The following TENM2 variants were observed in gnomAD, a reference collection of about 807,000 sequenced individuals.
TENM2 encodes teneurin transmembrane protein 2, also known as teneurin-2.
TENM2 carries 52 observed loss-of-function variants against 245.2 expected under a neutral mutation model. That is an observed-to-expected ratio of 0.21 (90% confidence interval 0.17 to 0.27). The LOEUF (loss-of-function observed/expected upper bound fraction) is 0.27. Among genes scored for constraint, TENM2 ranks in the 10% least tolerant of loss-of-function variants. The pLI is 1.00. For synonymous variants in TENM2, 1,363 were observed against 1,438.9 expected (o/e 0.95, Z 1.19); for missense variants, 3,046 against 3,666.8 (o/e 0.83, Z 4.37).
chr5:168,066,122 T>G (rs553757103), intron 7 of TENM2, among the ~76,000 whole-genome samples: 1 of 152,330 alleles, frequency 6.6e-6, no homozygotes. Flanking sequence ...CTGCTTCGCA[T>G]GTCCCTCTTA....
intron 2 of TENM2, among the ~76,000 whole-genome samples, chr5:167,530,122 A>C (rs2127591977): frequency 6.6e-6 from 1 of 152,004 alleles, no homozygotes; most frequent in South Asian, 2.1e-4. Context: ...ACATGGAGAA[A>C]GTGAGAGTGT....
At chr5:167,517,097 G>A (rs1274996369) in intron 2 of TENM2, among the ~76,000 whole-genome samples, 1 of 152,134 alleles carries the variant, frequency 6.6e-6, no homozygotes, top group South Asian at 2.1e-4. Flanking sequence ...ACTAGGAAAG[G>A]CTATAGAGGG....
chr5:167,710,728 G>A (rs1758855194), intron 2 of TENM2, among the ~76,000 whole-genome samples: 1 of 152,142 alleles, frequency 6.6e-6, no homozygotes, highest in Admixed American at 6.5e-5. Context: ...TTAACCTGAG[G>A]GCATTGGGAA....
chr5:168,219,950 A>G (rs998399538), intron 23 of TENM2, among the ~76,000 whole-genome samples: 4 of 151,974 alleles, frequency 2.6e-5, no homozygotes, highest in Admixed American at 2.0e-4. Context: ...GGGAGAATGT[A>G]AAAGGAAGCT....
chr5:168,236,166 C>T (rs751086996), intron 25 of TENM2, among the ~76,000 whole-genome samples: 7 of 152,286 alleles, frequency 4.6e-5, no homozygotes, highest in African/African-American at 1.7e-4. Flanking sequence ...ATTATCCACC[C>T]GGTACATGCA....
At chr5:167,756,974 T>A (rs1762349851) in intron 2 of TENM2, among the ~76,000 whole-genome samples, 2 of 152,138 alleles carry the variant, frequency 1.3e-5, no homozygotes, top group African/African-American at 4.8e-5. Context: ...ATGTGAGACA[T>A]CTCTTTTTGG....
intron 2 of TENM2, among the ~76,000 whole-genome samples, chr5:167,859,788 G>A (rs1771541028): frequency 2.4e-5 from 2 of 81,970 alleles, no homozygotes; most frequent in African/African-American, 5.7e-5. Context: ...AGGTGGGGGG[G>A]TCAGCCCTCC....
chr5:167,449,186 T>C (rs914829791), intron 2 of TENM2, among the ~76,000 whole-genome samples: 6 of 152,210 alleles, frequency 3.9e-5, no homozygotes, highest in Admixed American at 1.3e-4. Context: ...TTTCCTGCGG[T>C]ACTTAGCACT....
In TENM2 at chr5:167,701,147, A is replaced by G. The variant is rs537141323; in HGVS notation, c.503-174839A>G. Among the ~76,000 whole-genome samples, 24 of 152,286 alleles carry G rather than the reference A, an allele frequency of 1.6e-4. No homozygotes were observed. The East Asian group carries it at 4.4e-3, about 28-fold the overall frequency. On this transcript the variant is annotated intron_variant, in intron 2 of 28. Transcript: ENST00000518659. The stretch of plus-strand genomic sequence containing the variant: ...AACAGCTGCTAGAAAAATGTACACA[A>G]GAAATGTGTGAGGTCTATGGAAAAT...
At chr5:167,016,724 T>C in the TENM2 span, among the ~76,000 whole-genome samples, 1 of 152,334 alleles carries the variant, frequency 6.6e-6, no homozygotes, top group Admixed American at 6.5e-5. Flanking sequence ...GTTTGCTTTT[T>C]TTTGTCATTC....
chr5:167,712,240 A>T (rs1175975797), intron 2 of TENM2, among the ~76,000 whole-genome samples: 1 of 152,222 alleles, frequency 6.6e-6, no homozygotes, highest in African/African-American at 2.4e-5. Flanking sequence ...AGTCATGAAT[A>T]TCTCTACAAA....
chr5:167,893,655 G>A (rs1435758840), intron 3 of TENM2, among the ~76,000 whole-genome samples: 2 of 150,806 alleles, frequency 1.3e-5, no homozygotes, highest in Admixed American at 6.6e-5. Flanking sequence ...TTAGTAAGAG[G>A]CATTTCAAGA....
chr5:168,255,635 A>C (rs1171286751), intron 27 of TENM2, among the ~76,000 whole-genome samples: 2 of 152,012 alleles, frequency 1.3e-5, no homozygotes, highest in Non-Finnish European at 2.9e-5. Flanking sequence ...CCTTTTCAAC[A>C]GAGAGAGCAG....
intron 2 of TENM2, among the ~76,000 whole-genome samples, chr5:167,604,107 G>A (rs922690428): frequency 2.6e-5 from 4 of 151,774 alleles, no homozygotes; most frequent in African/African-American, 9.7e-5. Flanking sequence ...AATTTAAAAA[G>A]ATAAAAAGAG....
chr5:167,134,609 G>A, the TENM2 span, among the ~76,000 whole-genome samples: 1 of 152,170 alleles, frequency 6.6e-6, no homozygotes, highest in Non-Finnish European at 1.5e-5. Context: ...GCTGAGCCTG[G>A]TTTGGTCGGT....
Position 167,954,694 on chromosome 5 carries a change from C to T in TENM2, c.947+1872C>T, listed in dbSNP as rs189858943. The stretch of plus-strand genomic sequence containing the variant: ...ATGTGTTCTTATTGTTCAGCTCCCA[C>T]TTATGAGTGAGAACATGTGGTGTTT... On this transcript the variant is annotated intron_variant, in intron 4 of 28. Transcript: ENST00000518659. Among the ~76,000 whole-genome samples the T allele has an allele frequency of 1.6e-3, 249 of 152,280 alleles. 1 individual carries two copies. The highest frequency in any genetic ancestry group is 2.3e-3 in the Non-Finnish European group (154 of 68,034).
chr5:167,929,991 A>G (rs1213686869), intron 3 of TENM2, among the ~76,000 whole-genome samples: 1 of 152,224 alleles, frequency 6.6e-6, no homozygotes, highest in South Asian at 2.1e-4. Flanking sequence ...CAACACTGTT[A>G]TCTTGCCAGA....
intron 2 of TENM2, among the ~76,000 whole-genome samples, chr5:167,782,663 G>A (rs1327292147): frequency 6.6e-6 from 1 of 152,146 alleles, no homozygotes; most frequent in Non-Finnish European, 1.5e-5. Context: ...AATTACAAGG[G>A]AGCAGTCAAA....
At chr5:167,671,546 G>A (rs1470285059) in intron 2 of TENM2, among the ~76,000 whole-genome samples, 1 of 151,960 alleles carries the variant, frequency 6.6e-6, no homozygotes, top group Non-Finnish European at 1.5e-5. Context: ...TTGACATCGA[G>A]TTAGGCATAA....
Sources: allele counts gnomAD v4.1 joint callset (sites outside exome capture counted in the v4.1 genomes callset), GRCh38; gene constraint gnomAD v4.1.1; transcripts MANE v1.5; gene names NCBI Gene and HGNC (gene_info 2026-07-23, HGNC 2026-07-21).